ST6GAL1: variants seen among roughly 807,000 people sequenced by gnomAD.
ST6GAL1 encodes beta-galactoside alpha-2,6-sialyltransferase 1.
Under a neutral mutation model 38.0 loss-of-function variants are expected in ST6GAL1, and 20 were observed. The observed-to-expected ratio is 0.53, with a 90% CI of 0.37 to 0.77. The LOEUF (loss-of-function observed/expected upper bound fraction) is 0.77. Among genes scored for constraint, ST6GAL1 ranks in the 30% least tolerant of loss-of-function variants. ST6GAL1 has a pLI of 0.00. For synonymous variants in ST6GAL1, 196 were observed against 188.2 expected, an observed-to-expected ratio of 1.04 and a Z score of -0.34; for missense variants, 432 against 496.4, an observed-to-expected ratio of 0.87 and a Z score of 1.23.
intron 5 of ST6GAL1, among the ~76,000 whole-genome samples, chr3:187,052,632 C>CT (rs1411900573): frequency 6.6e-6 from 1 of 152,114 alleles, no homozygotes; most frequent in Non-Finnish European, 1.5e-5. Context: ...TGAACTCATC[C>CT]TTTTTTATGG....
At chr3:186,955,969 T>A (rs1319257607) in intron 1 of ST6GAL1, among the ~76,000 whole-genome samples, 1 of 152,154 alleles carries the variant, frequency 6.6e-6, no homozygotes, top group East Asian at 1.9e-4. Flanking sequence ...TGTATAGGAA[T>A]GCTTGTGATT....
At chr3:187,032,432 C>G (rs2108573136) in intron 2 of ST6GAL1, among the ~76,000 whole-genome samples, 1 of 152,304 alleles carries the variant, frequency 6.6e-6, no homozygotes, top group East Asian at 1.9e-4. Context: ...GAGCCTCTTC[C>G]ATGAGTGATG....
chr3:186,989,322 G>A (rs536617512), intron 2 of ST6GAL1, among the ~76,000 whole-genome samples: 2 of 152,288 alleles, frequency 1.3e-5, no homozygotes, highest in Admixed American at 6.5e-5. Context: ...CCAGGAAATG[G>A]ATACTTAGGG....
intron 2 of ST6GAL1, among the ~76,000 whole-genome samples, chr3:187,038,050 AAATCTGTATG>A (rs1021336936): frequency 1.3e-5 from 2 of 151,982 alleles, no homozygotes; most frequent in Non-Finnish European, 2.9e-5. Flanking sequence ...AATTTTTTGA[AAATCTGTATG>A]AAGTTTATTT....
At chr3:187,023,385 A>C (rs1489275851) in intron 2 of ST6GAL1, among the ~76,000 whole-genome samples, 2 of 152,198 alleles carry the variant, frequency 1.3e-5, no homozygotes, top group African/African-American at 4.8e-5. Context: ...TGGAGGGGTT[A>C]GGGATTTCTG....
chr3:187,063,402 G>A (rs1244898264), intron 5 of ST6GAL1, among the ~76,000 whole-genome samples: 1 of 152,226 alleles, frequency 6.6e-6, no homozygotes, highest in African/African-American at 2.4e-5. Context: ...TAGTAGAGAA[G>A]GTTTGAACAA....
intron 1 of ST6GAL1, among the ~76,000 whole-genome samples, chr3:186,943,504 C>T (rs1463573928): frequency 1.3e-5 from 2 of 152,056 alleles, no homozygotes; most frequent in Admixed American, 6.5e-5. Flanking sequence ...GGCTGGAGTG[C>T]AGTGGTGCGA....
chr3:187,003,550 T>C (rs779144337), intron 2 of ST6GAL1, among the ~76,000 whole-genome samples: 5 of 152,240 alleles, frequency 3.3e-5, no homozygotes, highest in Non-Finnish European at 5.9e-5. Flanking sequence ...TTAGATCTTT[T>C]ATTGCTCTCA....
intron 5 of ST6GAL1, among the ~76,000 whole-genome samples, chr3:187,056,107 T>A (rs556055480): frequency 6.6e-6 from 1 of 152,212 alleles, no homozygotes; most frequent in Non-Finnish European, 1.5e-5. Flanking sequence ...AAGTCTGTTT[T>A]ATCAGAGACT....
At chr3:187,073,173 G>C (rs1218113625) in intron 6 of ST6GAL1, among the ~76,000 whole-genome samples, 1 of 152,190 alleles carries the variant, frequency 6.6e-6, no homozygotes, top group Non-Finnish European at 1.5e-5. Flanking sequence ...TTGTCTCCCA[G>C]TTATAGTATT....
intron 1 of ST6GAL1, among the ~76,000 whole-genome samples, chr3:186,948,335 C>T (rs1269836619): frequency 3.9e-5 from 6 of 152,160 alleles, no homozygotes; most frequent in Admixed American, 1.3e-4. Flanking sequence ...CCAGAAGTAC[C>T]GATGAGGACA....
chr3:186,939,214 C>T lies in ST6GAL1; in HGVS notation c.-325+8380C>T, dbSNP rs544195407. ...CTCAGCCTCCGAGTAGCTGGGACTACAGGCATGCACCACCACACCCAGTTA... is the reference window on the plus strand; with the variant it reads ...CTCAGCCTCCGAGTAGCTGGGACTATAGGCATGCACCACCACACCCAGTTA... On this transcript the variant is annotated intron_variant, in intron 1 of 7. Coordinates refer to ENST00000169298, the MANE Select transcript of ST6GAL1 (RefSeq NM_173216.2). 5.3e-5 allele frequency among the ~76,000 whole-genome samples: 8 copies of T among 152,104 alleles called. No homozygotes were observed. The South Asian group carries it at 1.7e-3, about 32-fold the overall frequency.
At chr3:186,978,902 C>T (rs1715603354) in intron 2 of ST6GAL1, among the ~76,000 whole-genome samples, 1 of 151,746 alleles carries the variant, frequency 6.6e-6, no homozygotes, top group African/African-American at 2.4e-5. Context: ...TTGGGCATGC[C>T]TTGCTCTGCT....
At chr3:187,009,449 G>C (rs1448151572) in intron 2 of ST6GAL1, among the ~76,000 whole-genome samples, 1 of 152,042 alleles carries the variant, frequency 6.6e-6, no homozygotes, top group East Asian at 1.9e-4. Context: ...ACTTTCTATA[G>C]TTTTCTATGA....
chr3:187,074,466 A>G (rs1719494113), intron 7 of ST6GAL1, 133 bp downstream of exon 7: 3 of 954,990 alleles, frequency 3.1e-6, no homozygotes, highest in Non-Finnish European at 2.9e-6. Context: ...CTCTGCTTGT[A>G]GACCATGCCA....
intron 1 of ST6GAL1, among the ~76,000 whole-genome samples, chr3:186,937,351 G>T (rs1164942908): frequency 6.6e-6 from 1 of 152,116 alleles, no homozygotes; most frequent in Non-Finnish European, 1.5e-5. Flanking sequence ...TGCCTCAGGT[G>T]TTCAGCCATC....
chr3:186,931,889 AAG>A, intron 1 of ST6GAL1, among the ~76,000 whole-genome samples: 2 of 152,290 alleles, frequency 1.3e-5, no homozygotes, highest in South Asian at 2.1e-4. Context: ...GGTCCGGAAA[AAG>A]AGAACTCTTG....
chr3:187,039,077 A>G (rs559418560), intron 3 of ST6GAL1, among the ~76,000 whole-genome samples: 1 of 152,234 alleles, frequency 6.6e-6, no homozygotes, highest in East Asian at 1.9e-4. Context: ...TGGCTTGTCC[A>G]TTTCTATTAA....
intron 5 of ST6GAL1, among the ~76,000 whole-genome samples, chr3:187,060,543 TA>T (rs1339043515): frequency 6.6e-6 from 1 of 152,184 alleles, no homozygotes; most frequent in Non-Finnish European, 1.5e-5. Flanking sequence ...GGGGCTGCAG[TA>T]GATGAAGACA....
Sources: allele counts gnomAD v4.1 joint callset (sites outside exome capture counted in the v4.1 genomes callset), GRCh38; gene constraint gnomAD v4.1.1; transcripts MANE v1.5; gene names NCBI Gene and HGNC (gene_info 2026-07-23, HGNC 2026-07-21).